The following KLHL1 variants were observed in gnomAD, a reference collection of about 807,000 sequenced individuals.
The protein encoded by KLHL1 is kelch-like protein 1.
In KLHL1, 47 loss-of-function variants were observed where a neutral mutation model predicts 77.7. The observed-to-expected ratio is 0.60, with a 90% CI of 0.48 to 0.77. The LOEUF is 0.77. Among genes scored for constraint, KLHL1 ranks in the 30% least tolerant of loss-of-function variants. The pLI, the probability that KLHL1 is intolerant of heterozygous loss-of-function variation, is 0.00. For synonymous variants in KLHL1, 360 were observed against 325.2 expected (o/e 1.11, Z -1.15); for missense variants, 925 against 910.8 (o/e 1.02, Z -0.20).
chr13:69,995,196 C>T lies in KLHL1; in HGVS notation c.498-19394G>A, dbSNP rs542394384. ...ACAGAGACCATATACCCCACACTCC[C>T]AAGGCCTACACTATTATTTACTATC... is the stretch of plus-strand genomic sequence containing the variant. On this transcript the variant is annotated intron_variant, in intron 1 of 10. Transcript: ENST00000377844. Among the ~76,000 whole-genome samples the T allele has an allele frequency of 2.0e-5, 3 of 152,174 alleles. No individual in the cohort carries two copies. In the South Asian group the frequency reaches 6.2e-4, roughly 32 times the overall value.
chr13:69,742,219 A>G (rs1268991089), intron 7 of KLHL1, among the ~76,000 whole-genome samples: 1 of 152,172 alleles, frequency 6.6e-6, no homozygotes, highest in Admixed American at 6.6e-5. Context: ...GGACAATAAA[A>G]ATGCATACCC....
intron 4 of KLHL1, among the ~76,000 whole-genome samples, chr13:69,935,073 A>G (rs1190910417): frequency 7.3e-5 from 11 of 150,630 alleles, no homozygotes. Context: ...ATATAGGCAT[A>G]AATAGTTATA....
At chr13:70,002,038 C>T (rs1011678086) in intron 1 of KLHL1, among the ~76,000 whole-genome samples, 9 of 151,464 alleles carry the variant, frequency 5.9e-5, no homozygotes, top group South Asian at 2.1e-4. Flanking sequence ...AATCAATCTT[C>T]AATGATATTA....
chr13:69,959,007 C>T (rs763364234), intron 3 of KLHL1, among the ~76,000 whole-genome samples: 1 of 151,968 alleles, frequency 6.6e-6, no homozygotes, highest in Non-Finnish European at 1.5e-5. Context: ...GTCATGCCTG[C>T]AATTTTTCCA....
intron 2 of KLHL1, among the ~76,000 whole-genome samples, chr13:69,968,671 G>A (rs1339198352): frequency 6.6e-6 from 1 of 151,970 alleles, no homozygotes; most frequent in African/African-American, 2.4e-5. Flanking sequence ...CTTAGAAAAA[G>A]GACAGACTGC....
At chr13:70,014,919 A>G (rs1437042896) in intron 1 of KLHL1, among the ~76,000 whole-genome samples, 1 of 152,158 alleles carries the variant, frequency 6.6e-6, no homozygotes, top group Non-Finnish European at 1.5e-5. Flanking sequence ...ATGTTAAACC[A>G]TTTTAAAACA....
At chr13:69,737,956 G>A (rs977214950) in intron 8 of KLHL1, among the ~76,000 whole-genome samples, 5 of 152,152 alleles carry the variant, frequency 3.3e-5, no homozygotes, top group Admixed American at 3.3e-4. Flanking sequence ...GCAAACAGAA[G>A]TCTCCAGACA....
rs1200160699 is a variant in KLHL1 at position 69,939,378 on chromosome 13, T to TATATGTACAC, written c.1014+661_1014+662insGTGTACATAT. On this transcript the variant is annotated intron_variant, in intron 4 of 10. Coordinates refer to ENST00000377844, the MANE Select transcript of KLHL1 (RefSeq NM_020866.3). The stretch of plus-strand genomic sequence containing the variant: ...ATATATATATATATATATATATATA[T>TATATGTACAC]ACACACACACACGCACACACATACA... 4.2e-5 allele frequency among the ~76,000 whole-genome samples: 3 copies of TATATGTACAC among 70,822 alleles called. 1 individual carries two copies. The East Asian group carries it at 9.8e-4, about 23-fold the overall frequency. 46.5% of individuals were successfully genotyped at this position (70,822 alleles called of 152,430 possible).
chr13:69,756,943 A>G (rs541917926), intron 7 of KLHL1, among the ~76,000 whole-genome samples: 48 of 152,234 alleles, frequency 3.2e-4, no homozygotes, highest in South Asian at 1.2e-3. Context: ...CTTTTTTTGT[A>G]ATTAAACAGA....
At chr13:70,032,172 C>T (rs1886118071) in intron 1 of KLHL1, among the ~76,000 whole-genome samples, 1 of 152,118 alleles carries the variant, frequency 6.6e-6, no homozygotes, top group Non-Finnish European at 1.5e-5. Context: ...GAATCTAGCA[C>T]ACTTAATAGA....
At chr13:69,729,308 C>T (rs547956413) in intron 8 of KLHL1, among the ~76,000 whole-genome samples, 6 of 152,164 alleles carry the variant, frequency 3.9e-5, no homozygotes, top group Admixed American at 1.3e-4. Flanking sequence ...GTCTTGAATC[C>T]GTCAGAACAC....
At chr13:69,968,888 G>T (rs747988808) in intron 2 of KLHL1, among the ~76,000 whole-genome samples, 2 of 151,924 alleles carry the variant, frequency 1.3e-5, no homozygotes, top group Non-Finnish European at 2.9e-5. Context: ...ATAAAAAAAA[G>T]AAGTGCTCAA....
intron 8 of KLHL1, among the ~76,000 whole-genome samples, chr13:69,724,288 T>C (rs1386753363): frequency 6.6e-6 from 1 of 152,124 alleles, no homozygotes; most frequent in Non-Finnish European, 1.5e-5. Flanking sequence ...GCTGTACCCC[T>C]GACCACCTTG....
At chr13:69,989,570 T>C (rs1269979680) in intron 1 of KLHL1, among the ~76,000 whole-genome samples, 1 of 152,106 alleles carries the variant, frequency 6.6e-6, no homozygotes. Context: ...TTTTTAATAA[T>C]ATTGATTCTT....
intron 1 of KLHL1, among the ~76,000 whole-genome samples, chr13:70,073,292 G>C (rs966620860): frequency 6.6e-6 from 1 of 152,040 alleles, no homozygotes; most frequent in African/African-American, 2.4e-5. Context: ...ATCATTCTCA[G>C]CAAACTATTG....
At chr13:69,849,109 C>T (rs981395670) in intron 5 of KLHL1, among the ~76,000 whole-genome samples, 1 of 151,388 alleles carries the variant, frequency 6.6e-6, no homozygotes, top group Non-Finnish European at 1.5e-5. Context: ...TTCCTTCATT[C>T]ATTCATCAAA....
intron 8 of KLHL1, among the ~76,000 whole-genome samples, chr13:69,736,972 A>G (rs955633862): frequency 6.6e-5 from 10 of 152,142 alleles, no homozygotes; most frequent in Middle Eastern, 3.2e-3. Flanking sequence ...TGAATTCTGC[A>G]TCTTCAATTG....
At position 70,107,613 on chromosome 13, in the gene KLHL1, G is replaced by T; in HGVS notation, c.87C>A (p.Thr29=). The T allele has an allele frequency of 6.3e-7, 1 of 1,587,494 alleles. No individual in the cohort carries two copies. Among genetic ancestry groups the T allele is most frequent in the Non-Finnish European group, 8.6e-7 (1 of 1,167,998 alleles). ...WKLFSHPSPS[T]GGPAGGGCLQ... ...GGCAGCCTCCCCCCGCCGGGCCGCC[G>T]GTGGAAGGAGACGGGTGGCTGAAGA... The change falls in exon 1 of 11, where the codon ACC becomes ACA. Residue 29 remains threonine, a synonymous_variant. Coordinates refer to ENST00000377844, the MANE Select transcript of KLHL1 (RefSeq NM_020866.3).
chr13:69,710,042 A>G (rs998609772), intron 9 of KLHL1, among the ~76,000 whole-genome samples: 12 of 151,738 alleles, frequency 7.9e-5, no homozygotes, highest in Non-Finnish European at 1.8e-4. Context: ...AGACTTTATC[A>G]TGTTGCAAAT....
Sources: allele counts gnomAD v4.1 joint callset (sites outside exome capture counted in the v4.1 genomes callset), GRCh38; gene constraint gnomAD v4.1.1; transcripts MANE v1.5; gene names NCBI Gene and HGNC (gene_info 2026-07-23, HGNC 2026-07-21).